The following DIP2B variants were observed in gnomAD, a reference collection of about 807,000 sequenced individuals.
DIP2B encodes disco-interacting protein 2 homolog B.
DIP2B carries 76 observed loss-of-function variants against 198.0 expected under a neutral mutation model. The ratio of observed to expected loss-of-function variants is 0.38; its 90% CI spans 0.32 to 0.46. The LOEUF (loss-of-function observed/expected upper bound fraction) is 0.46. DIP2B is among the 20% of genes least tolerant of loss of function. The pLI is 0.99. For synonymous variants in DIP2B, 701 were observed against 739.1 expected, an observed-to-expected ratio of 0.95 and a Z score of 0.84; for missense variants, 1,559 against 1,978.4, an observed-to-expected ratio of 0.79 and a Z score of 4.02.
intron 18 of DIP2B, among the ~76,000 whole-genome samples, 159 bp downstream of exon 18, chr12:50,698,626 T>C (rs1382638127): frequency 6.6e-6 from 1 of 152,244 alleles, no homozygotes. Context: ...ATTATAATTA[T>C]GCTGACCTTC....
chr12:50,673,461 T>G (rs1938890295), intron 5 of DIP2B, among the ~76,000 whole-genome samples: 1 of 152,192 alleles, frequency 6.6e-6, no homozygotes, highest in African/African-American at 2.4e-5. Flanking sequence ...AACAGGGATC[T>G]TTTCCAGTTT....
chr12:50,560,843 A>G (rs1240447088), intron 1 of DIP2B, among the ~76,000 whole-genome samples: 1 of 152,228 alleles, frequency 6.6e-6, no homozygotes, highest in African/African-American at 2.4e-5. Context: ...ATGATCACTA[A>G]TCTCAGTGAG....
intron 1 of DIP2B, among the ~76,000 whole-genome samples, chr12:50,521,365 A>C (rs1446013216): frequency 5.9e-5 from 9 of 151,840 alleles, no homozygotes; most frequent in Non-Finnish European, 8.8e-5. Flanking sequence ...TCAGCCTCCC[A>C]AAGTGCTGGG....
At chr12:50,728,714 GGGGTATACTTT>G (rs1939982848) in intron 30 of DIP2B, 36 bp downstream of exon 30, 1 of 1,602,930 alleles carries the variant, frequency 6.2e-7, no homozygotes, top group Non-Finnish European at 8.5e-7. Flanking sequence ...AGAATGTGTG[GGGGTATACTTT>G]GTGGCCATGG....
At chr12:50,530,824 G>A (rs1224868262) in intron 1 of DIP2B, among the ~76,000 whole-genome samples, 1 of 152,110 alleles carries the variant, frequency 6.6e-6, no homozygotes, top group African/African-American at 2.4e-5. Context: ...CTAAAACAGG[G>A]AATAGAGGCA....
At chr12:50,557,229 A>G (rs1015674656) in intron 1 of DIP2B, among the ~76,000 whole-genome samples, 2 of 152,216 alleles carry the variant, frequency 1.3e-5, no homozygotes, top group Non-Finnish European at 2.9e-5. Flanking sequence ...ATAGGACTTG[A>G]AGAAGCAAAT....
At chr12:50,702,897 T>C (rs1939447092) in intron 19 of DIP2B, among the ~76,000 whole-genome samples, 2 of 151,998 alleles carry the variant, frequency 1.3e-5, no homozygotes. Context: ...ATTAAAGCAA[T>C]AATGGGATTA....
At chr12:50,589,791 C>G (rs1391709526) in intron 1 of DIP2B, among the ~76,000 whole-genome samples, 1 of 151,974 alleles carries the variant, frequency 6.6e-6, no homozygotes, top group Non-Finnish European at 1.5e-5. Flanking sequence ...TTTTAAACAA[C>G]TGAGTAATTT....
In DIP2B at chr12:50,695,375, C is replaced by A. The variant is rs772953565; in HGVS notation, c.1813+15C>A. 32 of 1,592,720 alleles carry A rather than the reference C, an allele frequency of 2.0e-5. No homozygotes were observed. Among genetic ancestry groups the A allele is most frequent in the African/African-American group, 2.7e-5 (2 of 74,192 alleles). The stretch of plus-strand genomic sequence containing the variant: ...TGCTCACAAAGGTAGTCACCTGCAA[C>A]ATCTGAGCTTTAATTATGTGACTGT... On this transcript the variant is annotated intron_variant, in intron 15 of 37. Coordinates refer to ENST00000301180, the MANE Select transcript of DIP2B (RefSeq NM_173602.3).
intron 19 of DIP2B, among the ~76,000 whole-genome samples, chr12:50,701,408 G>A (rs567410364): frequency 6.6e-6 from 1 of 152,212 alleles, no homozygotes; most frequent in South Asian, 2.1e-4. Context: ...TTTTAGGTGG[G>A]GTCTTGCTCT....
chr12:50,549,711 A>G (rs1279320679), intron 1 of DIP2B, among the ~76,000 whole-genome samples: 1 of 150,738 alleles, frequency 6.6e-6, no homozygotes, highest in Non-Finnish European at 1.5e-5. Flanking sequence ...AAAAAAAAAA[A>G]AAAAAAAAAA....
chr12:50,600,239 C>T (rs1052505312), intron 1 of DIP2B, among the ~76,000 whole-genome samples: 2 of 152,194 alleles, frequency 1.3e-5, no homozygotes, highest in Admixed American at 6.5e-5. Context: ...CTTTTGACAT[C>T]TCAAGTGATA....
chr12:50,586,938 G>A (rs1174097201), intron 1 of DIP2B, among the ~76,000 whole-genome samples: 3 of 152,144 alleles, frequency 2.0e-5, no homozygotes, highest in Non-Finnish European at 4.4e-5. Flanking sequence ...ATGAAAACAT[G>A]TTTTTGCTTG....
chr12:50,542,758 C>T (rs1958338111), intron 1 of DIP2B, among the ~76,000 whole-genome samples: 1 of 152,206 alleles, frequency 6.6e-6, no homozygotes, highest in Non-Finnish European at 1.5e-5. Context: ...TACACTGTTT[C>T]TCGTTATGAT....
chr12:50,730,726 CTGTAATTATCGGCCTT>C (rs1940027823), intron 30 of DIP2B, among the ~76,000 whole-genome samples: 1 of 152,162 alleles, frequency 6.6e-6, no homozygotes, highest in Admixed American at 6.5e-5. Context: ...TTCAAACATG[CTGTAATTATCGGCCTT>C]TGTAAATGTT....
chr12:50,635,371 T>C (rs978488612), intron 2 of DIP2B, among the ~76,000 whole-genome samples: 13 of 152,222 alleles, frequency 8.5e-5, no homozygotes, highest in Admixed American at 2.0e-4. Context: ...TGCCTACTTA[T>C]TTTTTAGGGA....
rs201286624 is a variant in DIP2B at position 50,727,743 on chromosome 12, G to A, written c.3441G>A (p.Pro1147=). ...PRKRLPQLYK[P]PTPEMLAYLD... is the part of the protein sequence containing the mutation. The stretch of plus-strand genomic sequence containing the variant: ...AAAGGTTACCTCAGCTGTATAAACC[G>A]CCCACTCCTGAGATGTTGGCATATC... The change falls in exon 29 of 38, where the codon CCG becomes CCA. Residue 1147 remains proline (P), a synonymous_variant. Transcript: ENST00000301180. The A allele has an allele frequency of 1.3e-5, 21 of 1,614,082 alleles. No individual in the cohort carries two copies. The highest frequency in any genetic ancestry group is 3.3e-5 in the Admixed American group (2 of 60,026).
At chr12:50,741,669 T>C (rs749239508) in intron 37 of DIP2B, 130 bp downstream of exon 37, 37 of 1,257,534 alleles carry the variant, frequency 2.9e-5, no homozygotes, top group African/African-American at 9.0e-5. Context: ...AGTAAGGAAA[T>C]AGACTGATTC....
intron 1 of DIP2B, among the ~76,000 whole-genome samples, chr12:50,599,134 A>T (rs2139439911): frequency 6.7e-6 from 1 of 149,054 alleles, no homozygotes; most frequent in East Asian, 2.0e-4. Context: ...TACCAAAAAA[A>T]TACAGAAATT....
Sources: allele counts gnomAD v4.1 joint callset (sites outside exome capture counted in the v4.1 genomes callset), GRCh38; gene constraint gnomAD v4.1.1; transcripts MANE v1.5; gene names NCBI Gene and HGNC (gene_info 2026-07-23, HGNC 2026-07-21).